The following TBXAS1 variants were observed in gnomAD, a reference collection of about 807,000 sequenced individuals.
TBXAS1 encodes the protein thromboxane-A synthase.
Under a neutral mutation model 60.7 loss-of-function variants are expected in TBXAS1, and 48 were observed. The ratio of observed to expected loss-of-function variants is 0.79; its 90% CI spans 0.63 to 1.01. The LOEUF (loss-of-function observed/expected upper bound fraction) is 1.01, where lower values mean the gene tolerates loss of function less well. Ranked by LOEUF, TBXAS1 falls within the 50% of genes least tolerant of loss-of-function variation. The probability of loss-of-function intolerance (pLI) is 0.00; values close to 1 mark genes in which losing one functional copy is unlikely to be tolerated. For missense variants in TBXAS1, 685 were observed against 686.3 expected (o/e 1.00, Z 0.02); for synonymous variants, 287 against 269.7 (o/e 1.06, Z -0.63).
At position 139,936,208 on chromosome 7, in the gene TBXAS1, C is replaced by T; in HGVS notation, c.351C>T (p.Phe117=). 1 of 1,614,198 alleles carries T rather than the reference C, an allele frequency of 6.2e-7. No individual in the cohort carries two copies. ...CCCAACAGGCGTCGGGTTTGGAGTT[C>T]AAGTCGGTAGCCGACAGCGTTCTGT... ...FTNRMASGLE[F]KSVADSVLFL... is the part of the protein sequence containing the mutation. Residue 117 remains phenylalanine, a synonymous_variant, in exon 5 of 13, where the codon TTC becomes TTT. Coordinates refer to ENST00000448866, the MANE Select transcript of TBXAS1 (RefSeq NM_001061.7).
At chr7:139,921,454 T>A (rs1206864286) in intron 4 of TBXAS1, among the ~76,000 whole-genome samples, 1 of 152,036 alleles carries the variant, frequency 6.6e-6, no homozygotes, top group Non-Finnish European at 1.5e-5. Context: ...AATTTTGCAC[T>A]TTGGGAGGCT....
At chr7:139,823,124 C>T (rs576998445) in intron 4 of TBXAS1, among the ~76,000 whole-genome samples, 1 of 151,870 alleles carries the variant, frequency 6.6e-6, no homozygotes, top group South Asian at 2.1e-4. Flanking sequence ...AATTCATCTG[C>T]ACAGTCTAAG....
intron 12 of TBXAS1, among the ~76,000 whole-genome samples, chr7:140,018,092 C>G (rs749622196): frequency 2.0e-5 from 3 of 152,210 alleles, no homozygotes; most frequent in African/African-American, 4.8e-5. Flanking sequence ...CAAGCCAACC[C>G]GAGCACGTGT....
At chr7:139,853,708 TCAC>T (rs1800385567) in intron 1 of TBXAS1, among the ~76,000 whole-genome samples, 1 of 152,106 alleles carries the variant, frequency 6.6e-6, no homozygotes, top group African/African-American at 2.4e-5. Context: ...TGTCCCTCTT[TCAC>T]CACAAGTCTC....
chr7:139,990,002 C>T (rs750421430), intron 9 of TBXAS1, among the ~76,000 whole-genome samples: 1 of 152,222 alleles, frequency 6.6e-6, no homozygotes, highest in Admixed American at 6.5e-5. Flanking sequence ...ACACCACAGG[C>T]CTGCCCGCCG....
Position 139,957,742 on chromosome 7 carries a change from G to A in TBXAS1, c.797G>A (p.Arg266Gln), listed in dbSNP as rs145426879. 3.7e-6 allele frequency: 6 copies of A among 1,614,030 alleles called. No individual in the cohort carries two copies. Among genetic ancestry groups the A allele is most frequent in the East Asian group, 2.2e-5 (1 of 44,872 alleles). Residue 266 changes from arginine (R) to glutamine (Q), a missense_variant, in exon 8 of 13, where the codon CGG (arginine) becomes CAG (glutamine). Transcript: ENST00000448866. Reference sequence around the variant, plus strand: ...CTCATTAGGAATGTGATTGCCTTGCGGGACCAGCAAGCTGCCGAAGAGGTA... The same window carrying A: ...CTCATTAGGAATGTGATTGCCTTGCAGGACCAGCAAGCTGCCGAAGAGGTA... ...NKLIRNVIAL[R>Q]DQQAAEERRR...
chr7:140,001,052 G>A (rs1018587300), intron 9 of TBXAS1, among the ~76,000 whole-genome samples: 13 of 152,166 alleles, frequency 8.5e-5, no homozygotes, highest in Admixed American at 2.0e-4. Context: ...TTACAGACCC[G>A]GAACAGAACC....
intron 4 of TBXAS1, among the ~76,000 whole-genome samples, chr7:139,805,933 C>CTTTT (rs35769530): frequency 3.8e-5 from 4 of 104,772 alleles, no homozygotes; most frequent in Admixed American, 3.3e-4. Flanking sequence ...CAAATTTTTG[C>CTTTT]TTTTTTTTTT....
At chr7:139,873,291 C>A (rs953940882) in intron 2 of TBXAS1, among the ~76,000 whole-genome samples, 1 of 152,174 alleles carries the variant, frequency 6.6e-6, no homozygotes, top group Admixed American at 6.5e-5. Context: ...GCACTAGATG[C>A]TTACAGGGTA....
At chr7:139,858,210 G>A (rs1800717270) in intron 1 of TBXAS1, among the ~76,000 whole-genome samples, 1 of 152,184 alleles carries the variant, frequency 6.6e-6, no homozygotes, top group Admixed American at 6.5e-5. Flanking sequence ...AGCCTTTCCA[G>A]TGCCTTCACC....
intron 9 of TBXAS1, among the ~76,000 whole-genome samples, chr7:139,992,573 C>T (rs1391550489): frequency 6.6e-6 from 1 of 152,232 alleles, no homozygotes; most frequent in Admixed American, 6.5e-5. Context: ...AGGCAAAGGG[C>T]TGAAATAGCA....
intron 9 of TBXAS1, among the ~76,000 whole-genome samples, chr7:139,991,448 T>C (rs1372783532): frequency 1.3e-5 from 2 of 151,186 alleles, no homozygotes; most frequent in East Asian, 2.0e-4. Context: ...AGAACAATGC[T>C]CTGTACACAG....
At chr7:139,830,445 G>A (rs909077352) in intron 1 of TBXAS1, among the ~76,000 whole-genome samples, 14 of 152,160 alleles carry the variant, frequency 9.2e-5, no homozygotes, top group African/African-American at 3.1e-4. Context: ...TGGAATTCAC[G>A]TTTGATGTTC....
chr7:139,787,401 T>C (rs1797233107), exon 4 of TBXAS1: 2 of 152,210 alleles, frequency 1.3e-5, no homozygotes, highest in Admixed American at 6.5e-5. Context: ...AGTTGGATGT[T>C]TAAATAGAAG....
intron 9 of TBXAS1, among the ~76,000 whole-genome samples, chr7:139,996,743 G>A (rs1280602388): frequency 2.0e-5 from 3 of 152,140 alleles, no homozygotes; most frequent in Admixed American, 6.5e-5. Context: ...ATCCCTTGGG[G>A]GACTTCTAAA....
chr7:140,002,593 C>T (rs1373860767), intron 9 of TBXAS1, among the ~76,000 whole-genome samples: 2 of 151,892 alleles, frequency 1.3e-5, no homozygotes, highest in African/African-American at 4.9e-5. Context: ...TTTGTTGTCT[C>T]GCTGGTTCGA....
chr7:139,955,880 T>G (rs1225798499), intron 7 of TBXAS1, among the ~76,000 whole-genome samples: 2 of 152,214 alleles, frequency 1.3e-5, no homozygotes, highest in African/African-American at 4.8e-5. Context: ...AGGCACGGGG[T>G]GTGCGTTGCC....
intron 5 of TBXAS1, among the ~76,000 whole-genome samples, chr7:139,938,220 G>A (rs1807965556): frequency 6.6e-6 from 1 of 152,186 alleles, no homozygotes; most frequent in Non-Finnish European, 1.5e-5. Flanking sequence ...GACAGCAGGA[G>A]ATGGAGAGTG....
At chr7:139,998,169 AG>A (rs1813428269) in intron 9 of TBXAS1, among the ~76,000 whole-genome samples, 1 of 152,222 alleles carries the variant, frequency 6.6e-6, no homozygotes, top group African/African-American at 2.4e-5. Flanking sequence ...AAGAGGCAAA[AG>A]TAATCTCTCG....
Sources: allele counts gnomAD v4.1 joint callset (sites outside exome capture counted in the v4.1 genomes callset), GRCh38; gene constraint gnomAD v4.1.1; transcripts MANE v1.5; gene names NCBI Gene and HGNC (gene_info 2026-07-23, HGNC 2026-07-21).